Variants in FGF12 observed in about 807,000 individuals in gnomAD.
The protein encoded by FGF12 is fibroblast growth factor 12B.
In FGF12, 14 loss-of-function variants were observed where a neutral mutation model predicts 23.6. The observed-to-expected ratio is 0.59, with a 90% CI of 0.39 to 0.93. The LOEUF is 0.93. FGF12 is among the 40% of genes least tolerant of loss of function. The pLI is 0.00. For synonymous variants in FGF12, 62 were observed against 77.3 expected (o/e 0.80, Z 1.04); for missense variants, 175 against 217.8 (o/e 0.80, Z 1.24).
chr3:192,158,382 C>CTTTCTTTCTTTCTTTCTTTCTTTCTT (rs1325095002), intron 5 of FGF12, among the ~76,000 whole-genome samples: 2 of 81,466 alleles, frequency 2.5e-5, no homozygotes, highest in African/African-American at 5.7e-5. Context: ...TTCTTTCTTT[C>CTTTCTTTCTTTCTTTCTTTCTTTCTT]TTTTCTTTCT....
At chr3:192,690,989 A>C (rs1276929980) in intron 2 of FGF12, among the ~76,000 whole-genome samples, 1 of 152,110 alleles carries the variant, frequency 6.6e-6, no homozygotes, top group African/African-American at 2.4e-5. Flanking sequence ...AGTCTACCAC[A>C]ATGATAAATA....
rs1479771425 is a variant in FGF12 at position 192,415,749 on chromosome 3, C to T, written c.14-55211G>A. On this transcript the variant is annotated intron_variant, in intron 2 of 5. Transcript: ENST00000445105. ...TCTCTCTCTCACACACACACACACA[C>T]ACACACACACACACACACACACACA... Among the ~76,000 whole-genome samples the T allele has an allele frequency of 4.6e-5, 7 of 151,538 alleles. No homozygotes were observed. In the South Asian group the frequency reaches 1.3e-3, roughly 27 times the overall value.
intron 2 of FGF12, among the ~76,000 whole-genome samples, chr3:192,604,736 C>G (rs1048681353): frequency 3.9e-5 from 6 of 152,064 alleles, no homozygotes; most frequent in Admixed American, 1.3e-4. Context: ...CACAAAAGAG[C>G]CTGAATAGCA....
intron 4 of FGF12, among the ~76,000 whole-genome samples, chr3:192,179,763 C>G (rs780240515): frequency 6.6e-6 from 1 of 151,972 alleles, no homozygotes. Flanking sequence ...CCAGGTTGGT[C>G]TCGAACTCCT....
intron 2 of FGF12, among the ~76,000 whole-genome samples, chr3:192,419,039 T>C (rs1261890461): frequency 1.3e-5 from 2 of 152,306 alleles, no homozygotes; most frequent in East Asian, 3.9e-4. Context: ...GTTATTCACA[T>C]GTTACAGTGG....
chr3:192,636,349 G>C (rs1197505128), intron 2 of FGF12, among the ~76,000 whole-genome samples: 1 of 152,142 alleles, frequency 6.6e-6, no homozygotes, highest in Non-Finnish European at 1.5e-5. Context: ...ACATTTTGAG[G>C]GTTCAAATGC....
chr3:192,592,400 C>A lies in FGF12; in HGVS notation c.13+134781G>T, dbSNP rs138539061. On this transcript the variant is annotated intron_variant, in intron 2 of 5. Transcript: ENST00000445105. ...GCCACCAGCATCTCTGGCCCTTTCA[C>A]GGGTCCTGGTAAAGTGGTATTTGCA... Among the ~76,000 whole-genome samples the A allele has an allele frequency of 3.2e-3, 491 of 151,938 alleles. 4 individuals are homozygous for A. The highest frequency in any genetic ancestry group is 0.012 in the African/African-American group (481 of 41,520).
intron 4 of FGF12, among the ~76,000 whole-genome samples, chr3:192,196,930 A>G (rs1249470133): frequency 1.3e-5 from 2 of 152,200 alleles, no homozygotes; most frequent in African/African-American, 4.8e-5. Flanking sequence ...GTGAACAGAA[A>G]ACCAGTATCT....
chr3:192,374,804 C>T (rs907471446), intron 2 of FGF12, among the ~76,000 whole-genome samples: 1 of 152,176 alleles, frequency 6.6e-6, no homozygotes, highest in Non-Finnish European at 1.5e-5. Flanking sequence ...GGCAGCCTGG[C>T]TCCAGAACCC....
intron 4 of FGF12, among the ~76,000 whole-genome samples, chr3:192,304,141 C>G (rs1429548145): frequency 6.6e-6 from 1 of 152,176 alleles, no homozygotes; most frequent in Non-Finnish European, 1.5e-5. Flanking sequence ...AAATTGGAGA[C>G]AGTTTTTATT....
intron 2 of FGF12, among the ~76,000 whole-genome samples, chr3:192,462,409 T>C (rs7640741): frequency 0.11 from 16,562 of 151,924 alleles, 2,969 homozygotes; most frequent in African/African-American, 0.37. Flanking sequence ...GGAAGAGAGA[T>C]CTGAGTTAGT....
chr3:192,719,381 T>C (rs1165044974), intron 2 of FGF12, among the ~76,000 whole-genome samples: 1 of 152,204 alleles, frequency 6.6e-6, no homozygotes, highest in Non-Finnish European at 1.5e-5. Flanking sequence ...GTTTACGTTA[T>C]TGTTATTGAG....
chr3:192,484,492 T>G (rs1394482427), intron 2 of FGF12, among the ~76,000 whole-genome samples: 1 of 152,176 alleles, frequency 6.6e-6, no homozygotes, highest in African/African-American at 2.4e-5. Context: ...CCTGTTGTTC[T>G]ACCTTATTAT....
rs537814400 is a variant in FGF12 at position 192,581,399 on chromosome 3, C to G, written c.13+145782G>C. 2.7e-5 allele frequency among the ~76,000 whole-genome samples: 4 copies of G among 149,684 alleles called. No homozygotes were observed. In the South Asian group the frequency reaches 8.5e-4, roughly 32 times the overall value. ...CCTAAGCAACATGATGAGACCTCACCTCTCTAAAATATATATATATGTGTG... is the reference window on the plus strand; with the variant it reads ...CCTAAGCAACATGATGAGACCTCACGTCTCTAAAATATATATATATGTGTG... On this transcript the variant is annotated intron_variant, in intron 2 of 5. Transcript: ENST00000445105.
At chr3:192,421,198 T>A (rs1316818115) in intron 2 of FGF12, among the ~76,000 whole-genome samples, 4 of 152,148 alleles carry the variant, frequency 2.6e-5, no homozygotes, top group African/African-American at 9.7e-5. Flanking sequence ...GAAAGTTGTG[T>A]GACCATAGAA....
chr3:192,162,518 A>ATAAG (rs1219604783), intron 5 of FGF12, among the ~76,000 whole-genome samples: 1 of 152,144 alleles, frequency 6.6e-6, no homozygotes, highest in Non-Finnish European at 1.5e-5. Context: ...ACTGGTTTGA[A>ATAAG]TAAGTTACAA....
intron 2 of FGF12, among the ~76,000 whole-genome samples, chr3:192,451,217 A>G (rs571706708): frequency 1.3e-5 from 2 of 152,348 alleles, no homozygotes; most frequent in East Asian, 1.9e-4. Context: ...TTATCACTTC[A>G]TAACAATTTC....
chr3:192,689,173 AG>A (rs1717863123), intron 2 of FGF12, among the ~76,000 whole-genome samples: 1 of 152,192 alleles, frequency 6.6e-6, no homozygotes, highest in African/African-American at 2.4e-5. Context: ...TTGATACCAG[AG>A]TAAGGTGACT....
intron 2 of FGF12, among the ~76,000 whole-genome samples, chr3:192,546,988 C>A (rs1327156947): frequency 6.6e-6 from 1 of 152,084 alleles, no homozygotes. Context: ...GAGGTTGAGG[C>A]TGCAGTGAGC....
Sources: gnomAD v4.1 joint callset for allele counts (sites outside exome capture counted in the v4.1 genomes callset) on GRCh38, gnomAD v4.1.1 for gene constraint, MANE v1.5 for transcripts, NCBI Gene and HGNC (gene_info 2026-07-23, HGNC 2026-07-21) for gene names.